The following TASP1 variants were observed in gnomAD, a reference collection of about 807,000 sequenced individuals.
The protein encoded by TASP1 is threonine aspartase 1.
TASP1 carries 16 observed loss-of-function variants against 56.6 expected under a neutral mutation model. The observed-to-expected ratio is 0.28, with a 90% CI of 0.19 to 0.43. The LOEUF (loss-of-function observed/expected upper bound fraction) is 0.43. TASP1 is among the 20% of genes least tolerant of loss of function. The probability of loss-of-function intolerance (pLI) is 1.00; values close to 1 mark genes in which losing one functional copy is unlikely to be tolerated. For missense variants in TASP1, 393 were observed against 511.6 expected (o/e 0.77, Z 2.24); for synonymous variants, 179 against 184.2 (o/e 0.97, Z 0.23).
the TASP1 span, among the ~76,000 whole-genome samples, chr20:13,148,425 G>A: frequency 6.6e-6 from 1 of 152,114 alleles, no homozygotes; most frequent in Non-Finnish European, 1.5e-5. Context: ...CTCAGGGGTG[G>A]GGTCGACAGG....
chr20:13,241,912 AAGG>A, the TASP1 span, among the ~76,000 whole-genome samples: 2 of 152,076 alleles, frequency 1.3e-5, no homozygotes, highest in Non-Finnish European at 2.9e-5. Flanking sequence ...TCAAATATAT[AAGG>A]AGAAGAGAAA....
the TASP1 span, among the ~76,000 whole-genome samples, chr20:13,209,421 G>T: frequency 1.3e-5 from 2 of 152,102 alleles, no homozygotes; most frequent in African/African-American, 4.8e-5. Context: ...TAATGCAATT[G>T]TTTATTGATT....
intron 1 of TASP1, among the ~76,000 whole-genome samples, chr20:13,632,051 CA>C (rs1467941110): frequency 2.8e-5 from 4 of 140,858 alleles, no homozygotes; most frequent in Admixed American, 7.3e-5. Context: ...GACTTCGTCT[CA>C]AAAAAAAAAG....
At chr20:13,499,690 C>T (rs563512168) in intron 10 of TASP1, among the ~76,000 whole-genome samples, 87 of 152,014 alleles carry the variant, frequency 5.7e-4, no homozygotes, top group African/African-American at 2.0e-3. Flanking sequence ...AAACCAACCA[C>T]CAACCACCGA....
chr20:13,180,539 G>T, the TASP1 span, among the ~76,000 whole-genome samples: 1 of 152,144 alleles, frequency 6.6e-6, no homozygotes, highest in African/African-American at 2.4e-5. Flanking sequence ...TCCCAATATA[G>T]AAAGTCTAGA....
chr20:13,332,837 G>A, the TASP1 span, among the ~76,000 whole-genome samples: 2 of 152,126 alleles, frequency 1.3e-5, no homozygotes, highest in South Asian at 4.1e-4. Flanking sequence ...GCAAATTCTG[G>A]TGTGAACGGA....
At chr20:13,470,576 T>C (rs768969946) in intron 11 of TASP1, among the ~76,000 whole-genome samples, 13 of 152,208 alleles carry the variant, frequency 8.5e-5, no homozygotes, top group Non-Finnish European at 1.2e-4. Flanking sequence ...ATGATTTATT[T>C]TGCAACTTTG....
chr20:13,422,313 G>A (rs1156591100), intron 12 of TASP1, among the ~76,000 whole-genome samples: 1 of 152,106 alleles, frequency 6.6e-6, no homozygotes, highest in African/African-American at 2.4e-5. Context: ...CTGATGCTGG[G>A]TAACATGCCC....
chr20:13,496,076 CAG>C (rs2043713415), intron 10 of TASP1, among the ~76,000 whole-genome samples: 2 of 151,792 alleles, frequency 1.3e-5, no homozygotes, highest in African/African-American at 2.4e-5. Context: ...TTCCTTGAAA[CAG>C]AGTCTTGCTC....
At chr20:13,139,836 A>G in the TASP1 span, among the ~76,000 whole-genome samples, 1 of 152,236 alleles carries the variant, frequency 6.6e-6, no homozygotes, top group Non-Finnish European at 1.5e-5. Flanking sequence ...GAATAGAATA[A>G]AAGTATCTAA....
At chr20:13,504,533 C>T (rs948250116) in intron 10 of TASP1, among the ~76,000 whole-genome samples, 1 of 151,928 alleles carries the variant, frequency 6.6e-6, no homozygotes, top group Non-Finnish European at 1.5e-5. Context: ...GTATAAAACT[C>T]GTTGGTGAAG....
the TASP1 span, among the ~76,000 whole-genome samples, chr20:13,340,048 A>C: frequency 4.6e-5 from 7 of 152,234 alleles, no homozygotes; most frequent in Middle Eastern, 3.4e-3. Flanking sequence ...TCTACTACAG[A>C]GTCTGAAAAA....
chr20:13,638,608 G>A (rs1160927515), intron 1 of TASP1, among the ~76,000 whole-genome samples: 3 of 152,180 alleles, frequency 2.0e-5, no homozygotes, highest in Admixed American at 6.5e-5. Context: ...GAAGAACTGC[G>A]AGAACTCCCC....
chr20:13,382,185 T>C, the TASP1 span, among the ~76,000 whole-genome samples: 63 of 152,310 alleles, frequency 4.1e-4, no homozygotes, highest in African/African-American at 1.4e-3. Context: ...ATGGCCCAAA[T>C]GCCACAAACT....
the TASP1 span, among the ~76,000 whole-genome samples, chr20:13,246,989 A>T: frequency 6.6e-6 from 1 of 151,984 alleles, no homozygotes; most frequent in Non-Finnish European, 1.5e-5. Context: ...TAATCCCAGC[A>T]CTTTGGGAGG....
chr20:13,279,813 C>T, the TASP1 span: 1 of 1,614,010 alleles, frequency 6.2e-7, no homozygotes, highest in Non-Finnish European at 8.5e-7. Flanking sequence ...CCTCAGACGA[C>T]AGCAACTTCC....
At chr20:13,155,224 G>A in the TASP1 span, among the ~76,000 whole-genome samples, 1 of 151,954 alleles carries the variant, frequency 6.6e-6, no homozygotes, top group African/African-American at 2.4e-5. Context: ...CTTTCTCAAG[G>A]TAAAATGTTT....
chr20:13,159,982 CT>C, the TASP1 span: 7 of 1,442,012 alleles, frequency 4.9e-6, no homozygotes, highest in Middle Eastern at 2.1e-4. Flanking sequence ...TTTTTTTTTT[CT>C]TTTTTTGCTT....
chr20:13,469,346 T>C (rs1256587092), intron 11 of TASP1, among the ~76,000 whole-genome samples: 1 of 152,144 alleles, frequency 6.6e-6, no homozygotes, highest in African/African-American at 2.4e-5. Context: ...TTCCAGGCTC[T>C]AGAAGGCTTT....
Sources: gnomAD v4.1 joint callset for allele counts (sites outside exome capture counted in the v4.1 genomes callset) on GRCh38, gnomAD v4.1.1 for gene constraint, MANE v1.5 for transcripts, NCBI Gene and HGNC (gene_info 2026-07-23, HGNC 2026-07-21) for gene names.